The following BRMS1L variants were observed in gnomAD, a reference collection of about 807,000 sequenced individuals.
The protein encoded by BRMS1L is breast cancer metastasis-suppressor 1-like protein.
A neutral mutation model predicts 50.3 loss-of-function variants in BRMS1L; 23 were observed. The observed-to-expected ratio is 0.46, with a 90% CI of 0.33 to 0.65. BRMS1L has a LOEUF of 0.65. BRMS1L is among the 30% of genes least tolerant of loss of function. The probability of loss-of-function intolerance (pLI) is 0.02; values close to 1 mark genes in which losing one functional copy is unlikely to be tolerated. For synonymous variants in BRMS1L, 114 were observed against 126.9 expected, an observed-to-expected ratio of 0.90 and a Z score of 0.69; for missense variants, 286 against 386.1, an observed-to-expected ratio of 0.74 and a Z score of 2.17.
intron 9 of BRMS1L, among the ~76,000 whole-genome samples, chr14:35,869,674 C>T (rs2078463685): frequency 6.6e-6 from 1 of 151,954 alleles, no homozygotes; most frequent in Non-Finnish European, 1.5e-5. Flanking sequence ...TGTGAAACCC[C>T]GTCTCTAGTA....
At chr14:35,852,241 C>T (rs919369288) in intron 4 of BRMS1L, among the ~76,000 whole-genome samples, 1 of 152,206 alleles carries the variant, frequency 6.6e-6, no homozygotes, top group Non-Finnish European at 1.5e-5. Context: ...ATGTCTTGCT[C>T]TATCACTTAG....
intron 4 of BRMS1L, among the ~76,000 whole-genome samples, chr14:35,853,014 C>A (rs184175888): frequency 1.3e-4 from 19 of 150,526 alleles, no homozygotes; most frequent in African/African-American, 4.0e-4. Flanking sequence ...ATCTATCTAT[C>A]TATATATAGA....
rs757065475 is a variant in BRMS1L at position 35,863,971 on chromosome 14, TTC to T, written c.622+20_622+21del. 89 of 1,608,356 alleles carry T rather than the reference TTC, an allele frequency of 5.5e-5. No homozygotes were observed. The highest frequency in any genetic ancestry group is 7.1e-5 in the Non-Finnish European group (83 of 1,176,544). ...TGTTTCAGATATCCTTTTCCAAATT[TTC>T]TGTTTTTTTTTCCTTGATGTGCGTT... On this transcript the variant is annotated intron_variant, in intron 6 of 9. Coordinates refer to ENST00000216807, the MANE Select transcript of BRMS1L (RefSeq NM_032352.4).
chr14:35,830,563 G>A (rs576365096), intron 1 of BRMS1L, among the ~76,000 whole-genome samples: 2 of 152,016 alleles, frequency 1.3e-5, no homozygotes, highest in African/African-American at 4.8e-5. Context: ...TCACCATGTT[G>A]CCCAGGCTGG....
intron 4 of BRMS1L, among the ~76,000 whole-genome samples, chr14:35,844,695 G>C (rs2078110866): frequency 6.6e-6 from 1 of 152,186 alleles, no homozygotes; most frequent in Admixed American, 6.5e-5. Context: ...TGTAGTTCTA[G>C]CTGCTTGAGT....
At chr14:35,838,738 T>C (rs1328395426) in intron 4 of BRMS1L, among the ~76,000 whole-genome samples, 1 of 152,182 alleles carries the variant, frequency 6.6e-6, no homozygotes, top group Non-Finnish European at 1.5e-5. Context: ...TCTTGTAAAT[T>C]TGTTTAAGTT....
intron 4 of BRMS1L, among the ~76,000 whole-genome samples, chr14:35,852,931 A>C (rs75993949): frequency 6.9e-6 from 1 of 145,514 alleles, no homozygotes; most frequent in East Asian, 2.0e-4. Flanking sequence ...GCTCCGTCTC[A>C]AAAAAAAAAA....
At chr14:35,856,960 G>A (rs1045963633) in intron 4 of BRMS1L, among the ~76,000 whole-genome samples, 1 of 151,972 alleles carries the variant, frequency 6.6e-6, no homozygotes, top group African/African-American at 2.4e-5. Context: ...ATTTGTTGTG[G>A]CCGGGCACGG....
intron 8 of BRMS1L, chr14:35,865,980 A>G: frequency 2.1e-6 from 1 of 483,370 alleles, no homozygotes; most frequent in South Asian, 3.8e-5. Flanking sequence ...CTACATTCTT[A>G]TTGCTAATAA....
intron 4 of BRMS1L, among the ~76,000 whole-genome samples, chr14:35,860,546 C>A (rs571075230): frequency 2.0e-5 from 3 of 150,310 alleles, no homozygotes; most frequent in Admixed American, 2.0e-4. Context: ...TAAAATTCTA[C>A]TCTGCATTTT....
rs2077943871 is a variant in BRMS1L at position 35,832,990 on chromosome 14, A to C, written c.246A>C (p.Glu82Asp). ...TTGCTTTGTTAAGACTTTATAAAGA[A>C]CGATTAAGTCAGGTGGATGCAAAAC... ...FTDLKDQLYK[E>D]RLSQVDAKLQ... The change falls in exon 3 of 10, where the codon GAA becomes GAC. Residue 82 changes from glutamate (E) to aspartate (D), a missense_variant. By Grantham distance (45) the Glu-to-Asp change is conservative. Around this residue, in one of 5 missense-constraint regions of BRMS1L, gnomAD observed 160 missense variants for 240.6 expected, o/e 0.66. Coordinates refer to ENST00000216807, the MANE Select transcript of BRMS1L (RefSeq NM_032352.4). 6.2e-7 allele frequency: 1 copy of C among 1,610,554 alleles called. No homozygotes were observed. Among genetic ancestry groups the C allele is most frequent in the Non-Finnish European group, 8.5e-7 (1 of 1,178,130 alleles).
intron 4 of BRMS1L, among the ~76,000 whole-genome samples, chr14:35,860,198 C>T (rs961131060): frequency 2.2e-4 from 33 of 151,918 alleles, no homozygotes; most frequent in African/African-American, 7.5e-4. Context: ...GGCATGATCT[C>T]GGCTTACTGC....
At chr14:35,870,310 T>TCGAG (rs1227730117) in intron 9 of BRMS1L, 50 bp from the exon 10 acceptor site, 1 of 1,159,668 alleles carries the variant, frequency 8.6e-7, no homozygotes, top group African/African-American at 1.6e-5. Flanking sequence ...CTAAAGTGAA[T>TCGAG]TGAGGAGACA....
intron 4 of BRMS1L, among the ~76,000 whole-genome samples, chr14:35,840,660 G>A (rs1486787196): frequency 6.6e-6 from 1 of 152,170 alleles, no homozygotes; most frequent in Non-Finnish European, 1.5e-5. Flanking sequence ...TTTGCATAGA[G>A]ATGTTTATAG....
chr14:35,833,186 T>C (rs1417226315), intron 3 of BRMS1L, 81 bp downstream of exon 3: 1 of 1,389,520 alleles, frequency 7.2e-7, no homozygotes. Context: ...AGTAAGTGTT[T>C]TATGTTGATG....
intron 4 of BRMS1L, among the ~76,000 whole-genome samples, chr14:35,851,856 G>A (rs1238211161): frequency 6.6e-6 from 1 of 152,164 alleles, no homozygotes; most frequent in Admixed American, 6.5e-5. Flanking sequence ...GCACTCCCTT[G>A]TTCATTGTAG....
At chr14:35,857,134 G>C (rs2078290639) in intron 4 of BRMS1L, among the ~76,000 whole-genome samples, 1 of 151,496 alleles carries the variant, frequency 6.6e-6, no homozygotes, top group South Asian at 2.1e-4. Context: ...CCAGCTACTT[G>C]GGAGGCTGAG....
chr14:35,848,343 T>C (rs1036006932), intron 4 of BRMS1L, among the ~76,000 whole-genome samples: 1 of 152,108 alleles, frequency 6.6e-6, no homozygotes, highest in Non-Finnish European at 1.5e-5. Context: ...ATTATTATTA[T>C]TAGTTTTTTT....
intron 4 of BRMS1L, among the ~76,000 whole-genome samples, chr14:35,846,217 TCAAAACAAAA>T (rs71124722): frequency 2.0e-5 from 3 of 150,274 alleles, no homozygotes; most frequent in Non-Finnish European, 4.4e-5. Flanking sequence ...CAAGACTCTG[TCAAAACAAAA>T]CAAAACAAAA....
Sources: gnomAD v4.1 joint callset for allele counts (sites outside exome capture counted in the v4.1 genomes callset) on GRCh38, gnomAD v4.1.1 for gene constraint, gnomAD v4.1.1 regional missense constraint, MANE v1.5 for transcripts, NCBI Gene and HGNC (gene_info 2026-07-23, HGNC 2026-07-21) for gene names.